Variants in CACNA2D1 observed in about 807,000 individuals in gnomAD.
CACNA2D1 encodes the protein voltage-dependent calcium channel subunit alpha-2/delta-1.
A neutral mutation model predicts 171.5 loss-of-function variants in CACNA2D1; 53 were observed. The ratio of observed to expected loss-of-function variants is 0.31; its 90% CI spans 0.25 to 0.39. The LOEUF is 0.39. Ranked by LOEUF, CACNA2D1 falls within the 10% of genes least tolerant of loss-of-function variation. CACNA2D1 has a pLI of 1.00. For missense variants in CACNA2D1, 903 were observed against 1,299.8 expected (o/e 0.69, Z 4.69); for synonymous variants, 442 against 443.1 (o/e 1.00, Z 0.03).
intron 3 of CACNA2D1, among the ~76,000 whole-genome samples, chr7:82,226,321 T>C (rs1164155058): frequency 6.6e-6 from 1 of 152,174 alleles, no homozygotes; most frequent in Non-Finnish European, 1.5e-5. Context: ...GCATTTCACA[T>C]CTGTTTTCTT....
chr7:82,441,159 T>C (rs183366666), intron 1 of CACNA2D1, among the ~76,000 whole-genome samples: 1 of 152,136 alleles, frequency 6.6e-6, no homozygotes. Context: ...GAAAAGCAAA[T>C]GGCACATCTT....
chr7:82,378,737 C>T (rs28409439), intron 1 of CACNA2D1, among the ~76,000 whole-genome samples: 4,983 of 152,136 alleles, frequency 0.033, 267 homozygotes, highest in African/African-American at 0.11. Flanking sequence ...TAAAAATAAC[C>T]TAACTTGCCA....
rs568828866 is a variant in CACNA2D1, at chr7:81,959,995, T to G, written c.2967-166A>C. Among the ~76,000 whole-genome samples the G allele has an allele frequency of 2.6e-5, 4 of 152,204 alleles. No homozygotes were observed. The South Asian group carries it at 8.3e-4, about 32-fold the overall frequency. Reference sequence around the variant, plus strand: ...GATTTTAGAAGAAAAAAATGCTTCATTTATTAGCATGAACGTATTACCTAT... The same window carrying G: ...GATTTTAGAAGAAAAAAATGCTTCAGTTATTAGCATGAACGTATTACCTAT... On this transcript the variant is annotated intron_variant, in intron 36 of 38. Coordinates refer to ENST00000356860, the MANE Select transcript of CACNA2D1 (RefSeq NM_000722.4).
chr7:82,060,240 GTATAAAAAAC>G (rs1806677085), intron 10 of CACNA2D1, among the ~76,000 whole-genome samples, 178 bp downstream of exon 10: 1 of 32,436 alleles, frequency 3.1e-5, no homozygotes, highest in Non-Finnish European at 7.1e-5. Flanking sequence ...TATATAATAT[GTATAAAAAAC>G]CTTAAAAAAA....
intron 7 of CACNA2D1, among the ~76,000 whole-genome samples, chr7:82,067,071 A>T (rs1807727533): frequency 6.6e-6 from 1 of 152,142 alleles, no homozygotes; most frequent in Admixed American, 6.6e-5. Context: ...ATGTGAAGTA[A>T]TTCAAGCGCA....
intron 3 of CACNA2D1, among the ~76,000 whole-genome samples, chr7:82,295,338 T>C (rs1039212921): frequency 9.4e-6 from 1 of 106,162 alleles, no homozygotes; most frequent in Non-Finnish European, 2.0e-5. Context: ...GAAAGTAGCT[T>C]GTATTTTTTT....
intron 3 of CACNA2D1, among the ~76,000 whole-genome samples, chr7:82,320,929 T>TTATATAAAGCTATTTATATA (rs1563362818): frequency 6.7e-6 from 1 of 148,626 alleles, no homozygotes. Flanking sequence ...AGTTAATGGC[T>TTATATAAAGCTATTTATATA]TATATAAAGC....
intron 18 of CACNA2D1, among the ~76,000 whole-genome samples, chr7:81,999,011 C>T (rs777901895): frequency 9.2e-5 from 14 of 151,518 alleles, no homozygotes; most frequent in Non-Finnish European, 1.8e-4. Context: ...TTAACAAACT[C>T]ACTGCAAAGC....
intron 7 of CACNA2D1, among the ~76,000 whole-genome samples, chr7:82,074,949 G>A (rs1808780791): frequency 6.6e-6 from 1 of 151,770 alleles, no homozygotes; most frequent in South Asian, 2.1e-4. Flanking sequence ...TGCCACGTTG[G>A]TCTGCTACAC....
chr7:82,270,604 T>C (rs1412049947), intron 3 of CACNA2D1, among the ~76,000 whole-genome samples: 1 of 152,142 alleles, frequency 6.6e-6, no homozygotes. Flanking sequence ...ATTGCTGGAT[T>C]GTAGGGTAGG....
chr7:82,388,158 T>C (rs1002786944), intron 1 of CACNA2D1, among the ~76,000 whole-genome samples: 13 of 151,596 alleles, frequency 8.6e-5, no homozygotes, highest in Non-Finnish European at 1.8e-4. Context: ...GCTGGCAGGG[T>C]TGGCTTCTTC....
chr7:82,095,501 T>G (rs576756004), intron 6 of CACNA2D1, among the ~76,000 whole-genome samples: 28 of 152,304 alleles, frequency 1.8e-4, no homozygotes, highest in African/African-American at 6.3e-4. Flanking sequence ...CCACCTTGAG[T>G]AAACTATACA....
At chr7:82,235,152 T>A (rs77899509) in intron 3 of CACNA2D1, among the ~76,000 whole-genome samples, 214 of 151,984 alleles carry the variant, frequency 1.4e-3, no homozygotes, top group African/African-American at 4.6e-3. Flanking sequence ...TCTTTTTTTT[T>A]AAAATTAAAA....
chr7:82,102,369 G>A (rs1262093448), intron 6 of CACNA2D1, among the ~76,000 whole-genome samples: 4 of 152,160 alleles, frequency 2.6e-5, no homozygotes, highest in African/African-American at 9.6e-5. Flanking sequence ...TTTATAAATA[G>A]AAGGATGACA....
intron 3 of CACNA2D1, among the ~76,000 whole-genome samples, chr7:82,231,272 A>G (rs1196010654): frequency 6.6e-6 from 1 of 152,186 alleles, no homozygotes; most frequent in Non-Finnish European, 1.5e-5. Flanking sequence ...TCAGCATTCA[A>G]ATAAGTGCCC....
At position 81,968,964 on chromosome 7, in the gene CACNA2D1, G is replaced by C. The variant is rs772938422; in HGVS notation, c.2318C>G (p.Pro773Arg). The C allele has an allele frequency of 1.3e-6, 2 of 1,569,606 alleles. No individual in the cohort carries two copies. Among genetic ancestry groups the C allele is most frequent in the East Asian group, 4.5e-5 (2 of 44,428 alleles). ...CATAATGCCCGATTCATAGGCACCA[G>C]GTCCACTTTCTAAAAAAAAAATAAA... is the stretch of plus-strand genomic sequence containing the variant. ...FTAPYFNKSG[P>R]GAYESGIMVS... Residue 773 changes from proline to arginine, a missense_variant, in exon 29 of 39, where the codon CCT becomes CGT. Physicochemically the swap from Pro to Arg is moderately radical, Grantham distance 103 (BLOSUM62 -2). Around this residue, in one of 5 missense-constraint regions of CACNA2D1, gnomAD observed 623 missense variants for 925.5 expected, o/e 0.67. Coordinates refer to ENST00000356860, the MANE Select transcript of CACNA2D1 (RefSeq NM_000722.4).
chr7:82,079,122 G>A (rs754721021), intron 7 of CACNA2D1, among the ~76,000 whole-genome samples: 1 of 152,154 alleles, frequency 6.6e-6, no homozygotes, highest in Non-Finnish European at 1.5e-5. Context: ...AGATCTCACT[G>A]GAAGTCAGTG....
intron 18 of CACNA2D1, chr7:82,001,675 CT>C (rs1360719841): frequency 4.7e-6 from 6 of 1,267,256 alleles, no homozygotes; most frequent in Non-Finnish European, 6.2e-6. Context: ...ATTGGGTCTC[CT>C]TTTTCTTAAA....
intron 1 of CACNA2D1, among the ~76,000 whole-genome samples, chr7:82,382,871 A>C (rs1823864589): frequency 6.6e-6 from 1 of 152,246 alleles, no homozygotes; most frequent in African/African-American, 2.4e-5. Flanking sequence ...ACAAACAAGA[A>C]CGTAAATGTA....
Sources: allele counts gnomAD v4.1 joint callset (sites outside exome capture counted in the v4.1 genomes callset), GRCh38; gene constraint gnomAD v4.1.1; regional missense constraint gnomAD v4.1.1; transcripts MANE v1.5; gene names NCBI Gene and HGNC (gene_info 2026-07-23, HGNC 2026-07-21).